HYDIN: variants seen among roughly 807,000 people sequenced by gnomAD.
HYDIN encodes axonemal central pair apparatus protein HYDIN.
In HYDIN, 132 loss-of-function variants were observed where a neutral mutation model predicts 403.9. The ratio of observed to expected loss-of-function variants is 0.33; its 90% confidence interval spans 0.28 to 0.38. The LOEUF is 0.38. Ranked by LOEUF, HYDIN falls within the 10% of genes least tolerant of loss-of-function variation. The pLI, the probability that HYDIN is intolerant of heterozygous loss-of-function variation, is 1.00. For missense variants in HYDIN, 2,827 were observed against 5,009.5 expected (o/e 0.56, Z 13.15); for synonymous variants, 1,202 against 1,891.7 (o/e 0.64, Z 9.46).
At chr16:71,182,012 G>A (rs1277932411) in intron 3 of HYDIN, among the ~76,000 whole-genome samples, 1 of 152,166 alleles carries the variant, frequency 6.6e-6, no homozygotes, top group Admixed American at 6.6e-5. Context: ...GTAGAGGTCT[G>A]AAGCAAGTCA....
At chr16:71,191,886 T>C (rs1402373284) in intron 1 of HYDIN, among the ~76,000 whole-genome samples, 1 of 152,156 alleles carries the variant, frequency 6.6e-6, no homozygotes, top group Non-Finnish European at 1.5e-5. Flanking sequence ...CAATTGCCCA[T>C]ATCCCAAGTG....
At chr16:70,897,098 C>A (rs1488461187) in intron 53 of HYDIN, among the ~76,000 whole-genome samples, 1 of 151,288 alleles carries the variant, frequency 6.6e-6, no homozygotes, top group Admixed American at 6.6e-5. Flanking sequence ...GCAAACTATG[C>A]ATCTGACAAA....
chr16:71,030,315 G>A (rs1324788171), intron 19 of HYDIN, among the ~76,000 whole-genome samples: 1 of 151,740 alleles, frequency 6.6e-6, no homozygotes, highest in Non-Finnish European at 1.5e-5. Context: ...GCCTCCCAAA[G>A]TAAAGTGCTG....
At chr16:71,196,602 G>C (rs1238851267) in intron 1 of HYDIN, among the ~76,000 whole-genome samples, 1 of 152,086 alleles carries the variant, frequency 6.6e-6, no homozygotes, top group Non-Finnish European at 1.5e-5. Flanking sequence ...TGCTGAATAG[G>C]GGCTAGGTAA....
At chr16:70,808,135 G>A in intron 85 of HYDIN, 73 bp from the exon 86 acceptor site, 1 of 1,505,980 alleles carries the variant, frequency 6.6e-7, no homozygotes, top group Non-Finnish European at 8.9e-7. Context: ...GTCTACCCCA[G>A]CCCCTCCACT....
intron 76 of HYDIN, among the ~76,000 whole-genome samples, chr16:70,838,198 C>CT (rs369590871): frequency 1.3e-5 from 2 of 151,058 alleles, no homozygotes; most frequent in Non-Finnish European, 1.5e-5. Flanking sequence ...TTCTTTCTTT[C>CT]TTTTTTTTTG....
At chr16:70,951,126 T>C (rs2078053932) in intron 41 of HYDIN, among the ~76,000 whole-genome samples, 1 of 152,108 alleles carries the variant, frequency 6.6e-6, no homozygotes, top group African/African-American at 2.4e-5. Context: ...TCCCAGCTAC[T>C]TGGGAGGCTG....
rs1329236068 is a variant in HYDIN at position 71,003,438 on chromosome 16, T to C, written c.3645-11228A>G. On this transcript the variant is annotated intron_variant, in intron 23 of 85. Transcript: ENST00000393567. ...ATAAATATTGTGTTTTTATGTTACATTTATTTCTAAGTACTTTTTTTTTTT... is the reference window on the plus strand; with the variant it reads ...ATAAATATTGTGTTTTTATGTTACACTTATTTCTAAGTACTTTTTTTTTTT... 6.6e-5 allele frequency among the ~76,000 whole-genome samples: 10 copies of C among 152,190 alleles called. No individual in the cohort carries two copies. In the East Asian group the frequency reaches 1.9e-3, roughly 29 times the overall value.
At chr16:71,033,638 G>C (rs2080991313) in intron 18 of HYDIN, among the ~76,000 whole-genome samples, 1 of 151,924 alleles carries the variant, frequency 6.6e-6, no homozygotes, top group African/African-American at 2.4e-5. Flanking sequence ...AGGGGTCGGG[G>C]GGCAGGGGGG....
At chr16:70,847,198 T>C (rs1228265304) in intron 75 of HYDIN, among the ~76,000 whole-genome samples, 2 of 152,204 alleles carry the variant, frequency 1.3e-5, no homozygotes, top group East Asian at 3.8e-4. Flanking sequence ...TTTGCTCTTA[T>C]ATAGCTCTGT....
intron 1 of HYDIN, among the ~76,000 whole-genome samples, chr16:71,211,040 A>C (rs574924854): frequency 1.3e-5 from 2 of 152,180 alleles, no homozygotes; most frequent in Non-Finnish European, 2.9e-5. Context: ...AGAGAGATAG[A>C]AGTCAATGAT....
At chr16:71,051,151 A>G (rs537014724) in intron 18 of HYDIN, among the ~76,000 whole-genome samples, 1 of 152,146 alleles carries the variant, frequency 6.6e-6, no homozygotes. Context: ...CTAGGAATGT[A>G]AAAGTGATTC....
Position 70,808,035 on chromosome 16 carries a change from T to C in HYDIN, c.14911A>G (p.Lys4971Glu). 11 of 1,613,028 alleles carry C rather than the reference T, an allele frequency of 6.8e-6. No individual in the cohort carries two copies. The highest frequency in any genetic ancestry group is 8.5e-6 in the Non-Finnish European group (10 of 1,179,356). Residue 4971 changes from lysine to glutamate, a missense_variant, in exon 86 of 86, where the codon AAA becomes GAA. Coordinates refer to ENST00000393567, the MANE Select transcript of HYDIN (RefSeq NM_001270974.2). ...RTDCTDFHAE[K>E]LINAAPGGQG... ...CCTCCTGGGGCTGCATTAATGAGTT[T>C]TTCTGCGTGGAAGTCTGTACAGTCG...
chr16:70,897,245 T>G (rs1279595747), intron 53 of HYDIN, among the ~76,000 whole-genome samples: 1 of 152,128 alleles, frequency 6.6e-6, no homozygotes, highest in South Asian at 2.1e-4. Context: ...AAAGGGTCCA[T>G]CTGTCCAGGA....
At chr16:70,950,582 C>T (rs2078035442) in intron 41 of HYDIN, among the ~76,000 whole-genome samples, 1 of 151,044 alleles carries the variant, frequency 6.6e-6, no homozygotes, top group Non-Finnish European at 1.5e-5. Context: ...TTTATTCCAC[C>T]CACCTGCTCT....
At position 70,942,589 on chromosome 16, in the gene HYDIN, T is replaced by A. The variant is rs1438874581; in HGVS notation, c.6670-770A>T. On this transcript the variant is annotated intron_variant, in intron 42 of 85. Coordinates refer to ENST00000393567, the MANE Select transcript of HYDIN (RefSeq NM_001270974.2). ...GAACAGCCTCTGCCTTACTCAGTGT[T>A]ACTCAAAGTGTAGCCCATAGACTGG... Among the ~76,000 whole-genome samples the A allele has an allele frequency of 2.6e-5, 4 of 152,394 alleles. No individual in the cohort carries two copies. In the East Asian group the frequency reaches 7.7e-4, roughly 29 times the overall value.
intron 41 of HYDIN, among the ~76,000 whole-genome samples, chr16:70,949,293 C>A (rs1456574364): frequency 2.5e-5 from 3 of 121,526 alleles, no homozygotes; most frequent in Non-Finnish European, 3.2e-5. Context: ...GAACATCACA[C>A]TCTGGGGACT....
intron 42 of HYDIN, among the ~76,000 whole-genome samples, chr16:70,943,555 T>A (rs2143889601): frequency 6.6e-6 from 1 of 152,332 alleles, no homozygotes. Flanking sequence ...TTTAACAACA[T>A]CACTCTCTTT....
chr16:71,201,498 C>T (rs1172725766), intron 1 of HYDIN, among the ~76,000 whole-genome samples: 1 of 152,152 alleles, frequency 6.6e-6, no homozygotes, highest in African/African-American at 2.4e-5. Flanking sequence ...TGGCCTATCC[C>T]AGTATTGCAC....
Sources: gnomAD v4.1 joint callset for allele counts (sites outside exome capture counted in the v4.1 genomes callset) on GRCh38, gnomAD v4.1.1 for gene constraint, MANE v1.5 for transcripts, NCBI Gene and HGNC (gene_info 2026-07-23, HGNC 2026-07-21) for gene names.